The following HELZ variants were observed in gnomAD, a reference collection of about 807,000 sequenced individuals.
HELZ encodes ATP-dependent RNA helicase with zinc finger domain.
Under a neutral mutation model 218.2 loss-of-function variants are expected in HELZ, and 23 were observed. That is an observed-to-expected ratio of 0.11 (90% CI 0.08 to 0.15). The LOEUF is 0.15. HELZ is among the 10% of genes least tolerant of loss of function. HELZ has a pLI of 1.00. For synonymous variants in HELZ, 814 were observed against 829.4 expected (o/e 0.98, Z 0.32); for missense variants, 1,813 against 2,353.7 (o/e 0.77, Z 4.75).
At chr17:67,091,632 AAG>A (rs1281296786) in intron 31 of HELZ, among the ~76,000 whole-genome samples, 1 of 152,160 alleles carries the variant, frequency 6.6e-6, no homozygotes, top group Non-Finnish European at 1.5e-5. Context: ...AACATAGCTA[AAG>A]TGGGAAAACT....
At chr17:67,105,605 A>G (rs1193458749) in intron 31 of HELZ, among the ~76,000 whole-genome samples, 1 of 152,202 alleles carries the variant, frequency 6.6e-6, no homozygotes, top group East Asian at 1.9e-4. Context: ...TAAAATGGTG[A>G]CTTTTATGTG....
At chr17:67,228,149 T>C (rs1453911986) in intron 3 of HELZ, among the ~76,000 whole-genome samples, 1 of 152,228 alleles carries the variant, frequency 6.6e-6, no homozygotes, top group East Asian at 1.9e-4. Flanking sequence ...CACTATCTCC[T>C]TTGATAGAAA....
rs1399685272 is a variant in HELZ at position 67,086,818 on chromosome 17, C to T, written c.5494+11G>A. 6.2e-7 allele frequency: 1 copy of T among 1,612,888 alleles called. No homozygotes were observed. Among genetic ancestry groups the T allele is most frequent in the Non-Finnish European group, 8.5e-7 (1 of 1,179,320 alleles). On this transcript the variant is annotated intron_variant, in intron 32 of 32. Transcript: ENST00000358691. ...AGTACAGATTAGTTTTAGCCACCAA[C>T]TCTGTCTTACCTATCAACTCTCTGG...
chr17:67,127,447 GA>G (rs763371382), intron 24 of HELZ, among the ~76,000 whole-genome samples: 1 of 152,118 alleles, frequency 6.6e-6, no homozygotes, highest in Non-Finnish European at 1.5e-5. Flanking sequence ...ATTAAACTAA[GA>G]ATATACAACA....
intron 27 of HELZ, among the ~76,000 whole-genome samples, chr17:67,117,791 T>A (rs147751053): frequency 0.051 from 7,695 of 152,150 alleles, 671 homozygotes; most frequent in African/African-American, 0.18. Flanking sequence ...CCTCAGGTAA[T>A]CTGCCCACCT....
chr17:67,140,325 G>A (rs943569675), intron 21 of HELZ, among the ~76,000 whole-genome samples: 5 of 152,144 alleles, frequency 3.3e-5, no homozygotes, highest in Admixed American at 1.3e-4. Context: ...CCCAGGAGAC[G>A]GTGAGCGGAA....
Position 67,120,473 on chromosome 17 carries a change from G to T in HELZ, c.3770C>A (p.Pro1257Gln), listed in dbSNP as rs199823239. 249 of 1,613,976 alleles carry T rather than the reference G, an allele frequency of 1.5e-4. No individual in the cohort carries two copies. Among genetic ancestry groups the T allele is most frequent in the African/African-American group, 1.3e-3 (101 of 75,000 alleles). Residue 1257 changes from proline to glutamine, a missense_variant, in exon 27 of 33, where the codon CCA (proline) becomes CAA (glutamine). Coordinates refer to ENST00000358691, the MANE Select transcript of HELZ (RefSeq NM_014877.4). ...TTGTGGCTGGCCTATGGTGACAGGT[G>T]GGTGATGTCCAAGGCCATAAGGAAT... is the stretch of plus-strand genomic sequence containing the variant. Reference protein sequence around the residue: ...SPIPYGLGHHPPVTIGQPQNQ... With the variant: ...SPIPYGLGHHQPVTIGQPQNQ...
At chr17:67,223,276 A>T (rs1362530196) in intron 3 of HELZ, among the ~76,000 whole-genome samples, 1 of 151,654 alleles carries the variant, frequency 6.6e-6, no homozygotes, top group Non-Finnish European at 1.5e-5. Flanking sequence ...GAAAAAAAGA[A>T]GATACTAAGT....
chr17:67,160,622 T>C (rs1273050272), intron 16 of HELZ, among the ~76,000 whole-genome samples: 1 of 152,212 alleles, frequency 6.6e-6, no homozygotes, highest in South Asian at 2.1e-4. Context: ...CTGGCTCTAA[T>C]AGATACCACA....
At chr17:67,183,059 T>TA (rs1310794025) in intron 12 of HELZ, among the ~76,000 whole-genome samples, 1 of 152,208 alleles carries the variant, frequency 6.6e-6, no homozygotes, top group East Asian at 1.9e-4. Context: ...ATCTAGGACT[T>TA]AGAGAATGAG....
Position 67,241,880 on chromosome 17 carries a change from C to T in HELZ, c.-76+1904G>A, listed in dbSNP as rs181077996. On this transcript the variant is annotated intron_variant, in intron 2 of 32. Coordinates refer to ENST00000358691, the MANE Select transcript of HELZ (RefSeq NM_014877.4). ...CTATGGCATTTCCCATTTTAGAATA[C>T]TTTGTGTAACAAGTTGTTCAGTGGC... 1.3e-3 allele frequency among the ~76,000 whole-genome samples: 194 copies of T among 152,318 alleles called. 1 individual carries two copies. Among genetic ancestry groups the T allele is most frequent in the Non-Finnish European group, 1.8e-3 (124 of 68,030 alleles).
intron 28 of HELZ, among the ~76,000 whole-genome samples, chr17:67,111,348 T>G (rs535696337): frequency 6.6e-6 from 1 of 152,184 alleles, no homozygotes; most frequent in Non-Finnish European, 1.5e-5. Flanking sequence ...AGAGGCAATT[T>G]TTCTTTTCCG....
At chr17:67,204,634 CAT>C (rs1433083941) in intron 5 of HELZ, among the ~76,000 whole-genome samples, 2 of 152,104 alleles carry the variant, frequency 1.3e-5, no homozygotes, top group African/African-American at 4.8e-5. Flanking sequence ...AAAATCTTTA[CAT>C]ATACCTTTTA....
upstream of HELZ, chr17:67,245,954 G>C (rs911469090): frequency 1.3e-5 from 2 of 152,312 alleles, no homozygotes; most frequent in African/African-American, 4.8e-5. Context: ...GCTGCGGACT[G>C]TGACTCCGGG....
At chr17:67,185,265 C>T (rs1324973123) in intron 12 of HELZ, among the ~76,000 whole-genome samples, 1 of 152,124 alleles carries the variant, frequency 6.6e-6, no homozygotes, top group Non-Finnish European at 1.5e-5. Context: ...AAATTGTTTG[C>T]CCATAAACAT....
At chr17:67,153,765 AAG>A (rs2038759739) in intron 17 of HELZ, among the ~76,000 whole-genome samples, 1 of 152,248 alleles carries the variant, frequency 6.6e-6, no homozygotes, top group Non-Finnish European at 1.5e-5. Flanking sequence ...CAAATGCAAA[AAG>A]GTAGCATCAT....
intron 26 of HELZ, among the ~76,000 whole-genome samples, chr17:67,121,206 G>C (rs1172901296): frequency 1.3e-5 from 2 of 152,160 alleles, no homozygotes; most frequent in South Asian, 2.1e-4. Flanking sequence ...AGTGTGTCTA[G>C]ATATATAATC....
chr17:67,112,912 A>G lies in HELZ; in HGVS notation c.3918+1412T>C, dbSNP rs568108824. On this transcript the variant is annotated intron_variant, in intron 28 of 32. Coordinates refer to ENST00000358691, the MANE Select transcript of HELZ (RefSeq NM_014877.4). The stretch of plus-strand genomic sequence containing the variant: ...TGTGTCAAAGAAAACGAAAGAAACA[A>G]GATGGTCAAAGACAGAAGTAGAAAA... Among the ~76,000 whole-genome samples, 113 of 152,340 alleles carry G rather than the reference A, an allele frequency of 7.4e-4. 2 individuals are homozygous for G. Among genetic ancestry groups the G allele is most frequent in the African/African-American group, 2.5e-3 (105 of 41,578 alleles).
intron 19 of HELZ, 99 bp downstream of exon 19, chr17:67,149,768 T>C (rs1423485518): frequency 1.6e-6 from 1 of 628,416 alleles, no homozygotes; most frequent in Middle Eastern, 2.7e-4. Flanking sequence ...AAAGTTATAA[T>C]GCATGGCATA....
Sources: allele counts gnomAD v4.1 joint callset (sites outside exome capture counted in the v4.1 genomes callset), GRCh38; gene constraint gnomAD v4.1.1; transcripts MANE v1.5; gene names NCBI Gene and HGNC (gene_info 2026-07-23, HGNC 2026-07-21).